The following SGCD variants were observed in gnomAD, a reference collection of about 807,000 sequenced individuals.
The protein encoded by SGCD is sarcoglycan delta, also known as delta-sarcoglycan.
In SGCD, 18 loss-of-function variants were observed where a neutral mutation model predicts 36.6. The observed-to-expected ratio is 0.49, with a 90% confidence interval of 0.34 to 0.73. The LOEUF is 0.73. Among genes scored for constraint, SGCD ranks in the 30% least tolerant of loss-of-function variants. The probability of loss-of-function intolerance (pLI) is 0.01; values close to 1 mark genes in which losing one functional copy is unlikely to be tolerated. For synonymous variants in SGCD, 133 were observed against 130.6 expected, an observed-to-expected ratio of 1.02 and a Z score of -0.12; for missense variants, 387 against 346.7, an observed-to-expected ratio of 1.12 and a Z score of -0.92.
intron 3 of SGCD, among the ~76,000 whole-genome samples, chr5:156,358,668 A>G (rs1769615166): frequency 6.6e-6 from 1 of 152,192 alleles, no homozygotes; most frequent in Admixed American, 6.5e-5. Flanking sequence ...AATAAATGTA[A>G]AAGAACAGTC....
intron 4 of SGCD, among the ~76,000 whole-genome samples, chr5:156,577,822 G>A (rs958448932): frequency 1.3e-5 from 2 of 152,070 alleles, no homozygotes; most frequent in Non-Finnish European, 2.9e-5. Context: ...TTGGGCTGAG[G>A]CAATGGGGTT....
chr5:156,649,118 C>T (rs1033195371), intron 7 of SGCD, among the ~76,000 whole-genome samples: 4 of 152,122 alleles, frequency 2.6e-5, no homozygotes, highest in African/African-American at 9.7e-5. Context: ...AAGTGCTCAT[C>T]ATCACTGGCC....
intron 3 of SGCD, chr5:156,458,304 T>G (rs1402280288): frequency 1.2e-6 from 1 of 841,668 alleles, no homozygotes; most frequent in Non-Finnish European, 1.9e-6. Flanking sequence ...GTTTTGGAAA[T>G]TCACTTTGTA....
intron 1 of SGCD, among the ~76,000 whole-genome samples, chr5:156,106,117 A>G (rs1761642201): frequency 6.9e-6 from 1 of 144,546 alleles, no homozygotes; most frequent in Non-Finnish European, 1.5e-5. Flanking sequence ...CTCAAAAAAA[A>G]AAAAAAAAAA....
intron 1 of SGCD, among the ~76,000 whole-genome samples, chr5:156,017,319 A>G (rs190011123): frequency 6.6e-6 from 1 of 152,120 alleles, no homozygotes; most frequent in Non-Finnish European, 1.5e-5. Context: ...TTCCCCATGC[A>G]AAAGTTTTTT....
At chr5:156,091,987 C>G (rs945884712) in intron 1 of SGCD, among the ~76,000 whole-genome samples, 13 of 152,226 alleles carry the variant, frequency 8.5e-5, no homozygotes, top group Non-Finnish European at 1.6e-4. Flanking sequence ...ACATCCAGAT[C>G]TATGCCTTGT....
chr5:156,470,929 T>C (rs1225975083), intron 3 of SGCD, among the ~76,000 whole-genome samples: 1 of 152,194 alleles, frequency 6.6e-6, no homozygotes, highest in African/African-American at 2.4e-5. Context: ...AAAAGCTAGG[T>C]CACCTCTAGG....
chr5:156,499,057 G>C (rs1475999077), intron 3 of SGCD, among the ~76,000 whole-genome samples: 1 of 152,040 alleles, frequency 6.6e-6, no homozygotes, highest in Admixed American at 6.6e-5. Context: ...TTAGCACAGG[G>C]CTGGGCACAC....
intron 3 of SGCD, among the ~76,000 whole-genome samples, chr5:156,384,676 C>T (rs1470607379): frequency 6.6e-6 from 1 of 152,034 alleles, no homozygotes; most frequent in Non-Finnish European, 1.5e-5. Flanking sequence ...GCATTTTTTT[C>T]CCCCATCCAC....
intron 3 of SGCD, among the ~76,000 whole-genome samples, chr5:156,158,504 G>A (rs189037803): frequency 2.0e-5 from 3 of 151,554 alleles, no homozygotes; most frequent in South Asian, 2.1e-4. Context: ...GTCCTAAAGG[G>A]GAGAGGGGAG....
Position 156,764,016 on chromosome 5 carries a change from A to C in SGCD, c.*4626A>C, listed in dbSNP as rs1757542670. On this transcript the variant is annotated 3_prime_UTR_variant, in exon 9 of 9. Transcript: ENST00000337851. ...TTTCAAGGCTCTATGAAAGGTCAAA[A>C]ATTTCATTAAACAAGACCAGTTCTC... 1 of 152,154 alleles carries C rather than the reference A, an allele frequency of 6.6e-6. No homozygotes were observed. The highest frequency in any genetic ancestry group is 1.9e-4 in the East Asian group (1 of 5,196). The allele number at this position is 152,154 out of a possible 1,614,324, so 9.4% of individuals were successfully genotyped here. A position where few individuals can be genotyped will look rare whatever the true frequency, so the allele number is the denominator to read the frequency against.
At chr5:156,011,884 A>T (rs1214528043) in intron 1 of SGCD, among the ~76,000 whole-genome samples, 1 of 152,194 alleles carries the variant, frequency 6.6e-6, no homozygotes, top group African/African-American at 2.4e-5. Context: ...CACAAGACAA[A>T]AGCACATTCA....
At chr5:156,592,863 G>A (rs1373783295) in intron 5 of SGCD, among the ~76,000 whole-genome samples, 1 of 152,116 alleles carries the variant, frequency 6.6e-6, no homozygotes, top group Non-Finnish European at 1.5e-5. Flanking sequence ...GGACACACTG[G>A]CAAGGGATGA....
chr5:156,194,819 T>C (rs1763984663), intron 3 of SGCD, among the ~76,000 whole-genome samples: 1 of 152,148 alleles, frequency 6.6e-6, no homozygotes, highest in African/African-American at 2.4e-5. Context: ...GAACCTTTTA[T>C]GGCTCAGTTT....
At chr5:156,499,247 G>T (rs1017145485) in intron 3 of SGCD, among the ~76,000 whole-genome samples, 2 of 152,100 alleles carry the variant, frequency 1.3e-5, no homozygotes, top group Non-Finnish European at 2.9e-5. Flanking sequence ...TTTGTCTAAC[G>T]CGTATGGAAA....
the SGCD span, among the ~76,000 whole-genome samples, chr5:155,786,892 C>T: frequency 6.6e-6 from 1 of 152,170 alleles, no homozygotes; most frequent in Non-Finnish European, 1.5e-5. Flanking sequence ...AAGACAAAAC[C>T]TGTGCTTGCC....
chr5:155,897,918 G>T (rs377326274), intron 1 of SGCD, among the ~76,000 whole-genome samples: 21 of 152,252 alleles, frequency 1.4e-4, no homozygotes, highest in African/African-American at 5.1e-4. Context: ...ATGAGTGGAA[G>T]GATCTTGTCT....
At chr5:156,329,605 T>C in intron 2 of SGCD, 26 bp downstream of exon 2, 1 of 1,609,260 alleles carries the variant, frequency 6.2e-7, no homozygotes, top group East Asian at 2.2e-5. Flanking sequence ...GAGCGAAGCT[T>C]GTTCAAGGCC....
chr5:156,594,003 A>G (rs763043038), intron 5 of SGCD, among the ~76,000 whole-genome samples: 1 of 152,186 alleles, frequency 6.6e-6, no homozygotes, highest in Non-Finnish European at 1.5e-5. Flanking sequence ...GAGAATGATT[A>G]TACTCCTGGA....
Sources: gnomAD v4.1 joint callset for allele counts (sites outside exome capture counted in the v4.1 genomes callset) on GRCh38, gnomAD v4.1.1 for gene constraint, MANE v1.5 for transcripts, NCBI Gene and HGNC (gene_info 2026-07-23, HGNC 2026-07-21) for gene names.